CDKN2B-AS1: variants seen among roughly 807,000 people sequenced by gnomAD.
The protein encoded by CDKN2B-AS1 is CDKN2B and CDKN2A antisense cis and trans regulatory RNA 1, also known as CDKN2B antisense RNA 1 (non-protein coding).
intron 1 of CDKN2B-AS1, chr9:22,003,309 AG>A: frequency 4.5e-6 from 1 of 220,364 alleles, no homozygotes; most frequent in Non-Finnish European, 9.1e-6. Flanking sequence ...CAAAAAAAAC[AG>A]TGTAATATAG....
intron 3 of CDKN2B-AS1, among the ~76,000 whole-genome samples, chr9:22,050,324 G>A (rs1587458789): frequency 6.6e-6 from 1 of 152,324 alleles, no homozygotes; most frequent in East Asian, 1.9e-4. Context: ...CCTTGCAATT[G>A]ATTACGTATA....
At chr9:22,117,209 C>G (rs1379369141) in intron 4 of CDKN2B-AS1, among the ~76,000 whole-genome samples, 7 of 152,146 alleles carry the variant, frequency 4.6e-5, no homozygotes, top group Admixed American at 4.6e-4. Flanking sequence ...AGAGCTCAGA[C>G]TTCTCAGTTT....
chr9:22,008,827 C>T (rs954368735), intron 1 of CDKN2B-AS1: 12 of 1,607,982 alleles, frequency 7.5e-6, no homozygotes, highest in Admixed American at 6.8e-5. Flanking sequence ...AAACGGTTGA[C>T]TCCGTTGGGA....
chr9:22,023,438 T>A (rs570628005), intron 1 of CDKN2B-AS1, among the ~76,000 whole-genome samples: 2 of 152,224 alleles, frequency 1.3e-5, no homozygotes, highest in African/African-American at 4.8e-5. Context: ...GTGATTGCAT[T>A]ATGAAATTTT....
intron 1 of CDKN2B-AS1, chr9:22,008,700 A>G: frequency 6.2e-7 from 1 of 1,611,338 alleles, no homozygotes; most frequent in African/African-American, 1.3e-5. Flanking sequence ...ACTCCTGTAC[A>G]AATCTACATC....
intron 4 of CDKN2B-AS1, among the ~76,000 whole-genome samples, chr9:22,075,771 C>T (rs1242820143): frequency 6.6e-6 from 1 of 152,178 alleles, no homozygotes; most frequent in Non-Finnish European, 1.5e-5. Context: ...TAAGGGACAA[C>T]CGTTCACGTG....
intron 4 of CDKN2B-AS1, among the ~76,000 whole-genome samples, chr9:22,121,354 T>C (rs7860589): frequency 0.12 from 14,632 of 122,584 alleles, 2,341 homozygotes; most frequent in African/African-American, 0.4. Flanking sequence ...CAAAGTAATT[T>C]TTATTCTTTT....
At chr9:22,074,176 A>G (rs985883873) in intron 4 of CDKN2B-AS1, among the ~76,000 whole-genome samples, 3 of 152,168 alleles carry the variant, frequency 2.0e-5, no homozygotes, top group African/African-American at 7.2e-5. Flanking sequence ...AGAGGATTTC[A>G]ATAAAATTTG....
chr9:22,087,233 CA>C lies in CDKN2B-AS1; in HGVS notation n.438+30851del, dbSNP rs367884373. Among the ~76,000 whole-genome samples, 47 of 152,182 alleles carry C rather than the reference CA, an allele frequency of 3.1e-4. 1 individual carries two copies. The South Asian group carries it at 9.5e-3, about 31-fold the overall frequency. Reference sequence around the variant, plus strand: ...AGTTTTCTTTCCCCTTGAAGGGGACCAAAAAGTTGTGGTTTATACTTTCTTG... The same window carrying C: ...AGTTTTCTTTCCCCTTGAAGGGGACCAAAAGTTGTGGTTTATACTTTCTTG... On this transcript the variant is annotated intron_variant and non_coding_transcript_variant, in intron 4 of 4. Coordinates refer to ENST00000650946, the Ensembl canonical transcript of CDKN2B-AS1.
chr9:22,089,746 C>T (rs940259314), intron 4 of CDKN2B-AS1, among the ~76,000 whole-genome samples: 12 of 151,966 alleles, frequency 7.9e-5, no homozygotes, highest in Non-Finnish European at 1.5e-5. Flanking sequence ...TACTTTGCCC[C>T]CTAGCAGACG....
At chr9:22,044,083 AG>A (rs1333516203) in intron 1 of CDKN2B-AS1, among the ~76,000 whole-genome samples, 6 of 152,058 alleles carry the variant, frequency 3.9e-5, no homozygotes, top group African/African-American at 1.4e-4. Context: ...ATGAGGCAAA[AG>A]GGCAGGAAAG....
chr9:22,096,112 G>C (rs1161830425), intron 4 of CDKN2B-AS1, among the ~76,000 whole-genome samples: 2 of 152,146 alleles, frequency 1.3e-5, no homozygotes, highest in African/African-American at 4.8e-5. Context: ...ATTCTAATCA[G>C]AGGGAATAGC....
chr9:22,056,247 T>TTTTTTTTTTTTTTTTTTTTTTTTC (rs397743274), intron 3 of CDKN2B-AS1: 2 of 132,688 alleles, frequency 1.5e-5, no homozygotes, highest in Admixed American at 7.5e-5. Flanking sequence ...TTTTTTTTTT[T>TTTTTTTTTTTTTTTTTTTTTTTTC]CCAGTAGAGA....
chr9:22,067,917 C>G (rs569306622), intron 4 of CDKN2B-AS1, among the ~76,000 whole-genome samples: 2 of 152,290 alleles, frequency 1.3e-5, no homozygotes, highest in Non-Finnish European at 2.9e-5. Context: ...TTGTCTTTCT[C>G]TCATTCTCTT....
chr9:22,035,049 G>T (rs1262422836), intron 1 of CDKN2B-AS1, among the ~76,000 whole-genome samples: 1 of 152,168 alleles, frequency 6.6e-6, no homozygotes, highest in Non-Finnish European at 1.5e-5. Flanking sequence ...TGAGGAGTAA[G>T]CTATGTAGCT....
intron 4 of CDKN2B-AS1, chr9:22,121,022 C>T (rs1002407922): frequency 6.6e-6 from 1 of 152,040 alleles, no homozygotes; most frequent in African/African-American, 2.4e-5. Context: ...GCAGTCTAAC[C>T]TTAGAGTAAT....
chr9:22,088,269 G>A (rs770111099), intron 4 of CDKN2B-AS1, among the ~76,000 whole-genome samples: 3 of 152,132 alleles, frequency 2.0e-5, no homozygotes, highest in Non-Finnish European at 4.4e-5. Flanking sequence ...AGCGAATGTT[G>A]CAATGTTTTA....
At chr9:22,091,402 A>G (rs1413908872) in intron 4 of CDKN2B-AS1, among the ~76,000 whole-genome samples, 2 of 152,194 alleles carry the variant, frequency 1.3e-5, no homozygotes, top group Non-Finnish European at 2.9e-5. Flanking sequence ...CATTGAATCT[A>G]TAAATTACTT....
chr9:22,096,927 G>T (rs995105216), intron 4 of CDKN2B-AS1, among the ~76,000 whole-genome samples: 1 of 151,988 alleles, frequency 6.6e-6, no homozygotes, highest in Admixed American at 6.6e-5. Context: ...TTGCTTGCTG[G>T]TTCCCAGAGA....
Sources: allele counts gnomAD v4.1 joint callset (sites outside exome capture counted in the v4.1 genomes callset), GRCh38; gene constraint gnomAD v4.1.1; transcripts MANE v1.5; gene names NCBI Gene and HGNC (gene_info 2026-07-23, HGNC 2026-07-21).